Variants in METTL15 observed in about 807,000 individuals in gnomAD.
METTL15 encodes 12S rRNA N(4)-cytidine methyltransferase METTL15.
A neutral mutation model predicts 38.3 loss-of-function variants in METTL15; 34 were observed. That is an observed-to-expected ratio of 0.89 (90% confidence interval 0.68 to 1.18). METTL15 has a LOEUF of 1.18. Ranked by LOEUF, METTL15 falls within the 50% of genes most tolerant of loss-of-function variation. The pLI is 0.00. For missense variants in METTL15, 438 were observed against 498.4 expected (o/e 0.88, Z 1.15); for synonymous variants, 162 against 170.9 (o/e 0.95, Z 0.41).
At chr11:28,468,819 T>C (rs1851279021) in intron 6 of METTL15, among the ~76,000 whole-genome samples, 2 of 152,196 alleles carry the variant, frequency 1.3e-5, no homozygotes, top group South Asian at 4.1e-4. Context: ...TATCTTAATG[T>C]CTTTTGATCA....
At chr11:28,264,624 A>G (rs185968244) in intron 4 of METTL15, among the ~76,000 whole-genome samples, 4 of 152,222 alleles carry the variant, frequency 2.6e-5, no homozygotes, top group Admixed American at 2.0e-4. Flanking sequence ...TCCCCTGGGT[A>G]TTAGAGGATA....
At chr11:28,194,122 A>ATTCTTTCTTTCTTTCTTTCTTTCTT (rs370908175) in intron 3 of METTL15, among the ~76,000 whole-genome samples, 2 of 99,078 alleles carry the variant, frequency 2.0e-5, no homozygotes, top group East Asian at 6.6e-4. Flanking sequence ...TTGATGGTTG[A>ATTCTTTCTTTCTTTCTTTCTTTCTT]TCTTTCTTTC....
chr11:28,225,289 A>AT (rs997363648), intron 4 of METTL15, among the ~76,000 whole-genome samples: 57 of 151,710 alleles, frequency 3.8e-4, no homozygotes, highest in African/African-American at 1.3e-3. Flanking sequence ...TTTTTATAAT[A>AT]TTTTCAATTC....
intron 3 of METTL15, among the ~76,000 whole-genome samples, chr11:28,205,885 T>C (rs1366931925): frequency 1.1e-4 from 17 of 149,916 alleles, no homozygotes; most frequent in Non-Finnish European, 1.8e-4. Context: ...TCATGTGTTT[T>C]TTGGCTGCAT....
rs551090517 is a variant in METTL15 at position 28,315,764 on chromosome 11, C to T, written c.779-14632C>T. 3.1e-3 allele frequency among the ~76,000 whole-genome samples: 471 copies of T among 152,298 alleles called. 1 individual carries two copies. Among genetic ancestry groups the T allele is most frequent in the Middle Eastern group, 6.8e-3 (2 of 294 alleles). On this transcript the variant is annotated intron_variant, in intron 6 of 6. Coordinates refer to ENST00000407364, the MANE Select transcript of METTL15 (RefSeq NM_001113528.2). ...TGCAGCCTAGGGACTTGGTACCCTGCGTTCCAGCCACTCTAGCCATGGCTG... is the reference window on the plus strand; with the variant it reads ...TGCAGCCTAGGGACTTGGTACCCTGTGTTCCAGCCACTCTAGCCATGGCTG...
chr11:28,172,225 G>A (rs1392032423), intron 3 of METTL15, among the ~76,000 whole-genome samples: 2 of 151,932 alleles, frequency 1.3e-5, no homozygotes, highest in African/African-American at 2.4e-5. Context: ...CACAATTTTA[G>A]CATAAAGTCC....
In METTL15 at chr11:28,149,188, A is replaced by ATT. The variant is rs577799533; in HGVS notation, c.270+35599_270+35600dup. Among the ~76,000 whole-genome samples, 8 of 136,770 alleles carry ATT rather than the reference A, an allele frequency of 5.8e-5. No individual in the cohort carries two copies. The East Asian group carries it at 1.2e-3, about 21-fold the overall frequency. 89.7% of individuals were successfully genotyped at this position (136,770 alleles called of 152,430 possible). Reference sequence around the variant, plus strand: ...CTTCTGGACTTCAATTCATTTTCTGATTTTTTTTTTTTTTTTAGCCATTTC... The same window carrying ATT: ...CTTCTGGACTTCAATTCATTTTCTGATTTTTTTTTTTTTTTTTTAGCCATTTC... On this transcript the variant is annotated intron_variant, in intron 3 of 6. Coordinates refer to ENST00000407364, the MANE Select transcript of METTL15 (RefSeq NM_001113528.2).
At chr11:28,490,296 T>A (rs1439158768) in intron 6 of METTL15, among the ~76,000 whole-genome samples, 2 of 152,168 alleles carry the variant, frequency 1.3e-5, no homozygotes, top group Admixed American at 1.3e-4. Flanking sequence ...TGAACATTCA[T>A]CTGCACCCAA....
At chr11:28,368,313 C>A (rs1369720953) in intron 5 of METTL15, among the ~76,000 whole-genome samples, 4 of 151,950 alleles carry the variant, frequency 2.6e-5, no homozygotes, top group African/African-American at 9.6e-5. Flanking sequence ...AAGAAAAAAA[C>A]AAACAACCCC....
chr11:28,431,440 A>G (rs1300654579), intron 6 of METTL15, among the ~76,000 whole-genome samples: 1 of 89,958 alleles, frequency 1.1e-5, no homozygotes, highest in Non-Finnish European at 2.4e-5. Context: ...CACTAAGAAA[A>G]ATTCTTCTGC....
intron 3 of METTL15, among the ~76,000 whole-genome samples, chr11:28,117,267 ATATATATATAT>A (rs1852014802): frequency 2.0e-5 from 1 of 50,316 alleles, no homozygotes; most frequent in South Asian, 8.3e-4. Context: ...GTGTATATAT[ATATATATATAT>A]ATATATATAT....
At chr11:28,276,036 C>A (rs544711797) in intron 4 of METTL15, among the ~76,000 whole-genome samples, 25 of 152,078 alleles carry the variant, frequency 1.6e-4, no homozygotes, top group African/African-American at 6.0e-4. Flanking sequence ...GGAACTGTTA[C>A]AAGACAAAGA....
At chr11:28,510,515 AG>A (rs1460730169) in intron 6 of METTL15, among the ~76,000 whole-genome samples, 2 of 152,222 alleles carry the variant, frequency 1.3e-5, no homozygotes, top group Non-Finnish European at 2.9e-5. Flanking sequence ...TAATCATAAC[AG>A]TAATAAAATA....
chr11:28,517,887 T>C (rs1054806347), intron 6 of METTL15, among the ~76,000 whole-genome samples: 2 of 152,232 alleles, frequency 1.3e-5, no homozygotes, highest in Admixed American at 1.3e-4. Context: ...AAGGACAAGA[T>C]GAGGCATGGG....
chr11:28,140,641 T>C lies in METTL15; in HGVS notation c.270+27037T>C, dbSNP rs1237576215. Among the ~76,000 whole-genome samples, 5 of 152,178 alleles carry C rather than the reference T, an allele frequency of 3.3e-5. No individual in the cohort carries two copies. In the East Asian group the frequency reaches 5.8e-4, roughly 18 times the overall value. On this transcript the variant is annotated intron_variant, in intron 3 of 6. Coordinates refer to ENST00000407364, the MANE Select transcript of METTL15 (RefSeq NM_001113528.2). ...TCTCATGACCAGGAAGAAATAGCCA[T>C]GTGGACATCAAAGAGTGAGTGGAGT...
Position 28,292,300 on chromosome 11 carries a change from C to T in METTL15, c.599+1903C>T, listed in dbSNP as rs544355627. 3.4e-5 allele frequency among the ~76,000 whole-genome samples: 5 copies of T among 146,842 alleles called. No homozygotes were observed. The South Asian group carries it at 1.1e-3, about 32-fold the overall frequency. On this transcript the variant is annotated intron_variant, in intron 5 of 6. Coordinates refer to ENST00000407364, the MANE Select transcript of METTL15 (RefSeq NM_001113528.2). Reference sequence around the variant, plus strand: ...TTGAATTTGCACCTATGAGTGAGAACATGTGGTGTTTGGTTTTTTGTCCTT... The same window carrying T: ...TTGAATTTGCACCTATGAGTGAGAATATGTGGTGTTTGGTTTTTTGTCCTT...
At chr11:28,381,878 T>A (rs1205788081) in intron 5 of METTL15, among the ~76,000 whole-genome samples, 1 of 152,112 alleles carries the variant, frequency 6.6e-6, no homozygotes, top group Non-Finnish European at 1.5e-5. Flanking sequence ...CTTTGCTTTG[T>A]CCACTTGGGA....
rs562910687 is a variant in METTL15 at position 28,119,848 on chromosome 11, A to C, written c.270+6244A>C. 1.8e-4 allele frequency among the ~76,000 whole-genome samples: 27 copies of C among 152,352 alleles called. 2 individuals carry two copies. In the South Asian group the frequency reaches 5.4e-3, roughly 30 times the overall value. ...AAAACTGTATGTTTGCTCTCTTTAA[A>C]TATTGGAGGCTGATGACGGGAGTTT... is the stretch of plus-strand genomic sequence containing the variant. On this transcript the variant is annotated intron_variant, in intron 3 of 6. Transcript: ENST00000407364.
intron 4 of METTL15, among the ~76,000 whole-genome samples, chr11:28,211,918 G>T (rs532096924): frequency 6.6e-6 from 1 of 152,102 alleles, no homozygotes; most frequent in East Asian, 1.9e-4. Context: ...CTGGAGTCAA[G>T]AAAATAGATG....
Sources: gnomAD v4.1 joint callset for allele counts (sites outside exome capture counted in the v4.1 genomes callset) on GRCh38, gnomAD v4.1.1 for gene constraint, MANE v1.5 for transcripts, NCBI Gene and HGNC (gene_info 2026-07-23, HGNC 2026-07-21) for gene names.